The following KLHL29 variants were observed in gnomAD, a reference collection of about 807,000 sequenced individuals.
KLHL29 encodes kelch-like protein 29.
KLHL29 carries 21 observed loss-of-function variants against 80.4 expected under a neutral mutation model. The ratio of observed to expected loss-of-function variants is 0.26; its 90% CI spans 0.19 to 0.38. KLHL29 has a LOEUF of 0.38. KLHL29 is among the 10% of genes least tolerant of loss of function. The pLI, the probability that KLHL29 is intolerant of heterozygous loss-of-function variation, is 1.00. For missense variants in KLHL29, 867 were observed against 1,223.9 expected, an observed-to-expected ratio of 0.71 and a Z score of 4.35; for synonymous variants, 511 against 526.8, an observed-to-expected ratio of 0.97 and a Z score of 0.41.
At position 23,614,776 on chromosome 2, in the gene KLHL29, G is replaced by T. The variant is rs116347609; in HGVS notation, c.286-24363G>T. On this transcript the variant is annotated intron_variant, in intron 3 of 13. Transcript: ENST00000486442. ...GAGGTCACTCGGGTCGCTGATCGCT[G>T]AGGGAGGAACATTGCAGGCTCCAGG... Among the ~76,000 whole-genome samples, 798 of 152,278 alleles carry T rather than the reference G, an allele frequency of 5.2e-3. 6 individuals are homozygous for T. The highest frequency in any genetic ancestry group is 0.018 in the African/African-American group (762 of 41,560).
At chr2:23,591,599 C>A (rs1178614184) in intron 3 of KLHL29, among the ~76,000 whole-genome samples, 1 of 151,934 alleles carries the variant, frequency 6.6e-6, no homozygotes, top group Non-Finnish European at 1.5e-5. Flanking sequence ...TGTTGTTAAA[C>A]CTCTCCACTG....
At position 23,642,370 on chromosome 2, in the gene KLHL29, G is replaced by A. The variant is rs1483004557; in HGVS notation, c.460G>A (p.Gly154Arg). 1.3e-5 allele frequency: 18 copies of A among 1,432,610 alleles called. No individual in the cohort carries two copies. Among genetic ancestry groups the A allele is most frequent in the Middle Eastern group, 1.8e-4 (1 of 5,474 alleles). The allele number at this position is 1,432,610 out of a possible 1,614,324, so 88.7% of individuals were successfully genotyped here. The change falls in exon 5 of 14, where the codon GGG (glycine) becomes AGG (arginine). Residue 154 changes from glycine to arginine, a missense_variant. By Grantham distance (125) the Gly-to-Arg change is moderately radical. Transcript: ENST00000486442. ...GCCATGGGTGACCACGGTGGCCGCC[G>A]GGAACCAGCCCACCCTGATTGCACA... ...TGPWVTTVAA[G>R]NQPTLIAHSY... is the part of the protein sequence containing the mutation.
intron 2 of KLHL29, among the ~76,000 whole-genome samples, chr2:23,498,628 G>T (rs553964709): frequency 1.3e-5 from 2 of 152,352 alleles, no homozygotes; most frequent in African/African-American, 4.8e-5. Flanking sequence ...ATTTAGGAAG[G>T]TCGGGGCTTC....
rs1447822425 is a variant in KLHL29, at chr2:23,385,379, G to C, written c.-555G>C. On this transcript the variant is annotated 5_prime_UTR_variant, in exon 1 of 14. Transcript: ENST00000486442. ...AGCCCCCGCCCGGAGCCCGAGCCGC[G>C]AGCCCGGAGCCAGCCCCAGCCCCGC... 5 of 147,342 alleles carry C rather than the reference G, an allele frequency of 3.4e-5. No homozygotes were observed. The East Asian group carries it at 8.1e-4, about 24-fold the overall frequency. The allele number at this position is 147,342 out of a possible 1,614,324, so 9.1% of individuals were successfully genotyped here.
At position 23,684,639 on chromosome 2, in the gene KLHL29, C is replaced by A; in HGVS notation, c.1079+102C>A. 1.9e-6 allele frequency: 2 copies of A among 1,037,722 alleles called. No individual in the cohort carries two copies. Among genetic ancestry groups the A allele is most frequent in the Non-Finnish European group, 2.7e-6 (2 of 737,628 alleles). 64.3% of individuals were successfully genotyped at this position (1,037,722 alleles called of 1,614,324 possible). A position where few individuals can be genotyped will look rare whatever the true frequency, so the allele number is the denominator to read the frequency against. ...TTGCAGGTTCCTGAAGCGTGACTCC[C>A]TGTCACAGAGCCAGTAGCCATCTCT... On this transcript the variant is annotated intron_variant, in intron 6 of 13. Transcript: ENST00000486442. The surrounding 1 kb of genome is among the most constrained non-coding windows in gnomAD (Gnocchi z 4.4).
At chr2:23,531,452 G>A (rs1048507991) in intron 2 of KLHL29, among the ~76,000 whole-genome samples, 1 of 152,104 alleles carries the variant, frequency 6.6e-6, no homozygotes, top group African/African-American at 2.4e-5. Context: ...GGGACCCTCC[G>A]CCTCCCTCGT....
rs150487456 is a variant in KLHL29, at chr2:23,505,103, T to A, written c.-46+29436T>A. 5.5e-3 allele frequency among the ~76,000 whole-genome samples: 838 copies of A among 152,370 alleles called. 6 individuals are homozygous for A. Among genetic ancestry groups the A allele is most frequent in the African/African-American group, 0.019 (787 of 41,594 alleles). On this transcript the variant is annotated intron_variant, in intron 2 of 13. Coordinates refer to ENST00000486442, the MANE Select transcript of KLHL29 (RefSeq NM_052920.2). ...TGCTCTGTCTTCTCTCATGTTTGGCTTTTTATACACTATATTTGACAGTGT... is the reference window on the plus strand; with the variant it reads ...TGCTCTGTCTTCTCTCATGTTTGGCATTTTATACACTATATTTGACAGTGT...
chr2:23,549,143 A>G (rs1380597317), intron 2 of KLHL29, among the ~76,000 whole-genome samples: 2 of 152,222 alleles, frequency 1.3e-5, no homozygotes, highest in East Asian at 1.9e-4. Flanking sequence ...GCTCTGAGTC[A>G]GGCAAAGGAC....
At position 23,695,568 on chromosome 2, in the gene KLHL29, G is replaced by A. The variant is rs73922009; in HGVS notation, c.1543-55G>A. On this transcript the variant is annotated intron_variant, in intron 8 of 13. Coordinates refer to ENST00000486442, the MANE Select transcript of KLHL29 (RefSeq NM_052920.2). This position sits in a 1 kb window ranked among gnomAD's most constrained non-coding sequence, Gnocchi z 7.6. ...AGCCCCACACCATTTCTTTCCGTCC[G>A]GGAGGTGGCTCTCTCTTGCTAGTCT... 87 of 1,252,402 alleles carry A rather than the reference G, an allele frequency of 6.9e-5. No homozygotes were observed. Among genetic ancestry groups the A allele is most frequent in the Non-Finnish European group, 8.5e-5 (77 of 905,128 alleles). 77.6% of individuals were successfully genotyped at this position (1,252,402 alleles called of 1,614,324 possible).
At chr2:23,704,104 A>G (rs1386274812) in intron 13 of KLHL29, among the ~76,000 whole-genome samples, 2 of 152,144 alleles carry the variant, frequency 1.3e-5, no homozygotes, top group African/African-American at 2.4e-5. Context: ...GCAGAAATGA[A>G]CCATTTCCTG....
chr2:23,434,070 C>T (rs1663264736), intron 1 of KLHL29, among the ~76,000 whole-genome samples: 2 of 151,794 alleles, frequency 1.3e-5, no homozygotes, highest in Non-Finnish European at 2.9e-5. Context: ...GCCTGTAATC[C>T]CAGCACTTTG....
chr2:23,586,674 A>G (rs71437494), intron 3 of KLHL29, among the ~76,000 whole-genome samples: 2,638 of 152,196 alleles, frequency 0.017, 37 homozygotes, highest in Non-Finnish European at 0.029. Flanking sequence ...GTTACTTTTT[A>G]AAGTAAGGAT....
At chr2:23,504,246 T>C (rs1449990879) in intron 2 of KLHL29, among the ~76,000 whole-genome samples, 1 of 152,212 alleles carries the variant, frequency 6.6e-6, no homozygotes, top group East Asian at 1.9e-4. Context: ...ATATTTGTGC[T>C]TAAAGAGACA....
intron 7 of KLHL29, 120 bp from the exon 8 acceptor site, chr2:23,693,149 A>C: frequency 9.0e-7 from 1 of 1,115,804 alleles, no homozygotes; most frequent in Non-Finnish European, 1.2e-6. Flanking sequence ...GACTCTGGAC[A>C]CTGCAGTCAG....
intron 1 of KLHL29, among the ~76,000 whole-genome samples, chr2:23,404,545 G>A (rs4665209): frequency 0.26 from 39,219 of 152,194 alleles, 6,333 homozygotes; most frequent in South Asian, 0.37. Flanking sequence ...CATGATCGAG[G>A]TGGTCCACTG....
In KLHL29 at chr2:23,490,282, TA is replaced by T. The variant is rs879590699; in HGVS notation, c.-46+14627del. On this transcript the variant is annotated intron_variant, in intron 2 of 13. Transcript: ENST00000486442. ...TTCCTGGAAGAGTTGGGTTGGTGGT[TA>T]AAAAAAAAAAATCTGATTGGAAAGC... is the stretch of plus-strand genomic sequence containing the variant. Among the ~76,000 whole-genome samples, 827 of 146,456 alleles carry T rather than the reference TA, an allele frequency of 5.6e-3. 9 individuals carry two copies. Among genetic ancestry groups the T allele is most frequent in the African/African-American group, 0.015 (610 of 40,216 alleles).
chr2:23,698,694 A>T (rs894295979), intron 11 of KLHL29, among the ~76,000 whole-genome samples: 3 of 152,174 alleles, frequency 2.0e-5, no homozygotes, highest in Non-Finnish European at 4.4e-5. Flanking sequence ...ATTTTATAGC[A>T]ATATATTGCA....
At position 23,629,910 on chromosome 2, in the gene KLHL29, C is replaced by T. The variant is rs545041578; in HGVS notation, c.286-9229C>T. 2.6e-5 allele frequency among the ~76,000 whole-genome samples: 4 copies of T among 152,210 alleles called. No homozygotes were observed. In the South Asian group the frequency reaches 6.2e-4, roughly 24 times the overall value. ...CTGGAGCACTTCCATGCTTGAGATC[C>T]GAGGAGAGGAGACACCAGCGAACAG... On this transcript the variant is annotated intron_variant, in intron 3 of 13. Coordinates refer to ENST00000486442, the MANE Select transcript of KLHL29 (RefSeq NM_052920.2).
At chr2:23,499,310 G>A (rs1040754370) in intron 2 of KLHL29, among the ~76,000 whole-genome samples, 1 of 152,044 alleles carries the variant, frequency 6.6e-6, no homozygotes, top group Non-Finnish European at 1.5e-5. Flanking sequence ...CCCTTCTTTG[G>A]GGTGACTGGA....
Sources: allele counts gnomAD v4.1 joint callset (sites outside exome capture counted in the v4.1 genomes callset), GRCh38; gene constraint gnomAD v4.1.1; non-coding constraint Gnocchi (gnomAD v3.1); transcripts MANE v1.5; gene names NCBI Gene and HGNC (gene_info 2026-07-23, HGNC 2026-07-21).